The following MIB1 variants were observed in gnomAD, a reference collection of about 807,000 sequenced individuals.
MIB1 encodes the protein MIB E3 ubiquitin protein ligase 1, also known as E3 ubiquitin-protein ligase MIB1.
A neutral mutation model predicts 124.5 loss-of-function variants in MIB1; 278 were observed. That is an observed-to-expected ratio of 2.23 (90% CI 2.02 to 2.47). The LOEUF (loss-of-function observed/expected upper bound fraction) is 2.47. MIB1 is among the 30% of genes most tolerant of loss of function. MIB1 has a pLI of 0.00. For missense variants in MIB1, 957 were observed against 1,254.4 expected, an observed-to-expected ratio of 0.76 and a Z score of 3.58; for synonymous variants, 446 against 429.4, an observed-to-expected ratio of 1.04 and a Z score of -0.48.
In MIB1 at chr18:21,791,565, T is replaced by C. The variant is rs763597252; in HGVS notation, c.1092+8T>C. The C allele has an allele frequency of 4.4e-6, 7 of 1,600,434 alleles. No homozygotes were observed. The Admixed American group carries it at 1.2e-4, about 27-fold the overall frequency. ...GCTGAAGCGATGCTTCCAGTAAGTA[T>C]GTTTAGAATAATTCTGGGCTAGAAA... On this transcript the variant is annotated splice_region_variant and intron_variant, in intron 7 of 20. Transcript: ENST00000261537.
Position 21,821,491 on chromosome 18 carries a change from C to T in MIB1, c.1829+1845C>T, listed in dbSNP as rs144042961. On this transcript the variant is annotated intron_variant, in intron 12 of 20. Transcript: ENST00000261537. ...TTTCTTTCTTTGGGATGCCCCATCCCGCTTCTTTATCTTAACCGTCTTTCT... is the reference window on the plus strand; with the variant it reads ...TTTCTTTCTTTGGGATGCCCCATCCTGCTTCTTTATCTTAACCGTCTTTCT... Among the ~76,000 whole-genome samples, 28 of 152,236 alleles carry T rather than the reference C, an allele frequency of 1.8e-4. No individual in the cohort carries two copies. In the East Asian group the frequency reaches 5.0e-3, roughly 27 times the overall value.
At chr18:21,734,105 AT>A (rs1187958268) in intron 1 of MIB1, among the ~76,000 whole-genome samples, 4,007 of 118,132 alleles carry the variant, frequency 0.034, 43 homozygotes, top group East Asian at 0.07. Flanking sequence ...TCTTGCTTTG[AT>A]TTTTTTTTTT....
upstream of MIB1, among the ~76,000 whole-genome samples, chr18:21,736,551 GTAATAACAAACTCCTCCAAGC>G (rs1288462601): frequency 6.6e-6 from 1 of 152,142 alleles, no homozygotes; most frequent in African/African-American, 2.4e-5. Context: ...CAGAAGGTCA[GTAATAACAAACTCCTCCAAGC>G]TAAAGGAGCA....
In MIB1 at chr18:21,848,763, G is replaced by A. The variant is rs140030251; in HGVS notation, c.2394-433G>A. Among the ~76,000 whole-genome samples the A allele has an allele frequency of 1.8e-3, 267 of 152,304 alleles. 2 individuals are homozygous for A. Among genetic ancestry groups the A allele is most frequent in the African/African-American group, 5.1e-3 (214 of 41,558 alleles). ...TTAAATTTTCCAAAGTGCCCTATCT[G>A]TTGTGGACTCTGATGATGCTTTGTT... On this transcript the variant is annotated intron_variant, in intron 16 of 20. Transcript: ENST00000261537.
chr18:21,763,397 A>G (rs1158588051), intron 1 of MIB1, among the ~76,000 whole-genome samples: 1 of 152,138 alleles, frequency 6.6e-6, no homozygotes, highest in Non-Finnish European at 1.5e-5. Flanking sequence ...TCTGCTAAGC[A>G]AAGTCGTTCC....
At position 21,741,484 on chromosome 18, in the gene MIB1, G is replaced by C; in HGVS notation, c.-100G>C. On this transcript the variant is annotated 5_prime_UTR_variant, in exon 1 of 21. Transcript: ENST00000261537. The surrounding 1 kb of genome is among the most constrained non-coding windows in gnomAD (Gnocchi z 5.4). ...CCCGGGGCTCGCTGCCGCCCCCGCCGACGCCTAGAGTCCGGCCCGGGCCCA... is the reference window on the plus strand; with the variant it reads ...CCCGGGGCTCGCTGCCGCCCCCGCCCACGCCTAGAGTCCGGCCCGGGCCCA... 1.8e-5 allele frequency: 12 copies of C among 660,498 alleles called. No individual in the cohort carries two copies. Among genetic ancestry groups the C allele is most frequent in the Non-Finnish European group, 1.6e-5 (8 of 498,086 alleles). 40.9% of individuals were successfully genotyped at this position (660,498 alleles called of 1,614,324 possible). A position where few individuals can be genotyped will look rare whatever the true frequency, so the allele number is the denominator to read the frequency against.
chr18:21,799,182 C>G (rs544245834), intron 8 of MIB1, among the ~76,000 whole-genome samples: 6 of 152,084 alleles, frequency 3.9e-5, no homozygotes, highest in African/African-American at 1.4e-4. Flanking sequence ...ATAAGTACCC[C>G]AAGAATTAAG....
chr18:21,824,227 G>A (rs2041905142), intron 12 of MIB1, among the ~76,000 whole-genome samples: 1 of 152,116 alleles, frequency 6.6e-6, no homozygotes, highest in Admixed American at 6.5e-5. Context: ...TTTTAGGTTG[G>A]TACTAAGATA....
chr18:21,718,394 A>G (rs1174814295), intron 1 of MIB1, among the ~76,000 whole-genome samples: 5 of 152,184 alleles, frequency 3.3e-5, no homozygotes, highest in Non-Finnish European at 5.9e-5. Context: ...TATGGAAATA[A>G]AACATTTTTT....
chr18:21,824,355 CT>C (rs2041906096), intron 12 of MIB1, among the ~76,000 whole-genome samples: 1 of 151,870 alleles, frequency 6.6e-6, no homozygotes, highest in South Asian at 2.1e-4. Flanking sequence ...GCTTTTTTTA[CT>C]TTTTAAATTC....
At chr18:21,707,242 G>A (rs1404394648) in intron 1 of MIB1, among the ~76,000 whole-genome samples, 2 of 152,202 alleles carry the variant, frequency 1.3e-5, no homozygotes, top group Non-Finnish European at 2.9e-5. Flanking sequence ...GCACCAATCA[G>A]TGCTCTGTGG....
At position 21,765,944 on chromosome 18, in the gene MIB1, G is replaced by A. The variant is rs1348207694; in HGVS notation, c.401+1G>A. On this transcript the variant is annotated splice_donor_variant, in intron 2 of 20. Transcript: ENST00000261537. LOFTEE classifies it high-confidence loss of function. ...GAATTACTACACCGGGAAGTGAGAG[G>A]TAGGGAGAACCCTTTTCTTCTTCAA... 2.5e-6 allele frequency: 4 copies of A among 1,613,700 alleles called. No homozygotes were observed. Among genetic ancestry groups the A allele is most frequent in the Admixed American group, 1.7e-5 (1 of 59,988 alleles).
intron 12 of MIB1, among the ~76,000 whole-genome samples, chr18:21,834,634 C>T (rs1168829985): frequency 6.6e-6 from 1 of 152,088 alleles, no homozygotes; most frequent in Non-Finnish European, 1.5e-5. Flanking sequence ...AATAGCACAG[C>T]GTAATCATGA....
intron 10 of MIB1, among the ~76,000 whole-genome samples, chr18:21,805,205 G>GT (rs2041690643): frequency 6.6e-6 from 1 of 151,884 alleles, no homozygotes; most frequent in African/African-American, 2.4e-5. Context: ...TAGACACAGG[G>GT]TTTTGCCATG....
chr18:21,804,126 T>C (rs2041679257), intron 10 of MIB1, 112 bp downstream of exon 10: 4 of 743,104 alleles, frequency 5.4e-6, no homozygotes, highest in Non-Finnish European at 8.8e-6. Context: ...AACTAAGGCT[T>C]TTCTGATTGA....
At chr18:21,778,405 CT>C (rs1254028412) in intron 5 of MIB1, among the ~76,000 whole-genome samples, 7 of 151,998 alleles carry the variant, frequency 4.6e-5, no homozygotes, top group African/African-American at 1.7e-4. Flanking sequence ...ACATTTGAAA[CT>C]TTTATGTTTT....
intron 1 of MIB1, among the ~76,000 whole-genome samples, chr18:21,734,105 ATTT>A (rs1187958268): frequency 5.9e-5 from 7 of 118,128 alleles, no homozygotes; most frequent in Admixed American, 1.7e-4. Flanking sequence ...TCTTGCTTTG[ATTT>A]TTTTTTTTTT....
rs11872279 is a variant in MIB1 at position 21,712,883 on chromosome 18, T to G, written n.167+7760T>G. On this transcript the variant is annotated intron_variant and non_coding_transcript_variant, in intron 1 of 20. Coordinates refer to the MIB1 transcript ENST00000578646. The stretch of plus-strand genomic sequence containing the variant: ...AATATAAAAGGGTCCTACAAAATCA[T>G]TTAAAGATTAATAAATATTAATGGC... Among the ~76,000 whole-genome samples the G allele has an allele frequency of 1.4e-3, 217 of 152,310 alleles. 1 individual carries two copies. The highest frequency in any genetic ancestry group is 5.0e-3 in the African/African-American group (206 of 41,558).
At chr18:21,837,755 T>C (rs1010262561) in intron 12 of MIB1, among the ~76,000 whole-genome samples, 12 of 152,234 alleles carry the variant, frequency 7.9e-5, no homozygotes, top group African/African-American at 2.9e-4. Flanking sequence ...TGTGTTTTGC[T>C]CCAGACTTGG....
Sources: allele counts gnomAD v4.1 joint callset (sites outside exome capture counted in the v4.1 genomes callset), GRCh38; gene constraint gnomAD v4.1.1; non-coding constraint Gnocchi (gnomAD v3.1); transcripts MANE v1.5; gene names NCBI Gene and HGNC (gene_info 2026-07-23, HGNC 2026-07-21).